Variants in NLGN1 observed in about 807,000 individuals in gnomAD.
NLGN1 encodes the protein neuroligin-1.
Under a neutral mutation model 65.5 loss-of-function variants are expected in NLGN1, and 12 were observed. The ratio of observed to expected loss-of-function variants is 0.18; its 90% CI spans 0.12 to 0.30. NLGN1 has a LOEUF of 0.30. Ranked by LOEUF, NLGN1 falls within the 10% of genes least tolerant of loss-of-function variation. The probability of loss-of-function intolerance (pLI) is 1.00; values close to 1 mark genes in which losing one functional copy is unlikely to be tolerated. For missense variants in NLGN1, 750 were observed against 1,007.1 expected (o/e 0.74, Z 3.46); for synonymous variants, 350 against 359.5 (o/e 0.97, Z 0.30).
intron 3 of NLGN1, among the ~76,000 whole-genome samples, chr3:173,773,324 A>C (rs901515212): frequency 1.3e-5 from 2 of 152,116 alleles, no homozygotes; most frequent in African/African-American, 4.8e-5. Context: ...AATCCTCCCC[A>C]AAAAACATTT....
At chr3:173,748,815 T>G (rs1775907210) in intron 3 of NLGN1, among the ~76,000 whole-genome samples, 1 of 152,134 alleles carries the variant, frequency 6.6e-6, no homozygotes, top group Non-Finnish European at 1.5e-5. Context: ...TCAAGCCTAC[T>G]GTTTGAGTAA....
intron 3 of NLGN1, chr3:173,685,866 C>CA: frequency 1.1e-6 from 1 of 887,376 alleles, no homozygotes; most frequent in African/African-American, 1.8e-5. Flanking sequence ...TGTCCTCTTA[C>CA]AATTAAAATA....
intron 2 of NLGN1, among the ~76,000 whole-genome samples, chr3:173,452,426 T>TCCAC (rs943636917): frequency 6.6e-6 from 1 of 152,148 alleles, no homozygotes; most frequent in African/African-American, 2.4e-5. Flanking sequence ...GACCTCATGA[T>TCCAC]CCACCCGCCT....
chr3:173,415,806 GTTAT>G (rs541812956), intron 1 of NLGN1, among the ~76,000 whole-genome samples: 67 of 151,880 alleles, frequency 4.4e-4, no homozygotes, highest in African/African-American at 1.5e-3. Flanking sequence ...CTGCCATTAA[GTTAT>G]TTAGTCTCTC....
exon 3 of NLGN1, chr3:173,604,604 A>G: frequency 4.3e-6 from 7 of 1,613,250 alleles, no homozygotes; most frequent in Non-Finnish European, 5.9e-6. Flanking sequence ...GGACCATGGC[A>G]CTGCCCAGAT....
At chr3:173,753,607 T>A (rs1309511177) in intron 3 of NLGN1, among the ~76,000 whole-genome samples, 1 of 152,162 alleles carries the variant, frequency 6.6e-6, no homozygotes, top group African/African-American at 2.4e-5. Flanking sequence ...TCTATTCTTG[T>A]ACCTCTAGGG....
intron 2 of NLGN1, among the ~76,000 whole-genome samples, chr3:173,539,115 C>T (rs906442287): frequency 1.3e-5 from 2 of 152,018 alleles, no homozygotes; most frequent in Non-Finnish European, 2.9e-5. Context: ...TGCTGTCTTT[C>T]AAGGGTGTCC....
At chr3:174,076,368 G>C (rs1332813791) in intron 4 of NLGN1, among the ~76,000 whole-genome samples, 1 of 152,040 alleles carries the variant, frequency 6.6e-6, no homozygotes, top group Non-Finnish European at 1.5e-5. Context: ...CGTTTGAAGA[G>C]CATAGGGAAA....
At chr3:173,532,905 A>G (rs1334551842) in intron 2 of NLGN1, among the ~76,000 whole-genome samples, 1 of 152,172 alleles carries the variant, frequency 6.6e-6, no homozygotes, top group Non-Finnish European at 1.5e-5. Context: ...TGATGGAGCA[A>G]CCATATTCTA....
chr3:174,066,814 A>G (rs1174664372), intron 4 of NLGN1, among the ~76,000 whole-genome samples: 3 of 152,058 alleles, frequency 2.0e-5, no homozygotes, highest in Non-Finnish European at 4.4e-5. Flanking sequence ...ATTATGACCA[A>G]TACACAAAGG....
chr3:173,654,927 A>G (rs920356233), intron 3 of NLGN1, among the ~76,000 whole-genome samples: 1 of 152,200 alleles, frequency 6.6e-6, no homozygotes, highest in African/African-American at 2.4e-5. Context: ...TAGAGCCAGT[A>G]GTGTATACAG....
At chr3:174,277,912 GATA>G (rs1750881520) in intron 5 of NLGN1, among the ~76,000 whole-genome samples, 1 of 151,722 alleles carries the variant, frequency 6.6e-6, no homozygotes, top group Admixed American at 6.6e-5. Context: ...TGATAAAATT[GATA>G]ATAAATTTAA....
At chr3:173,778,517 T>G (rs145808214) in intron 3 of NLGN1, among the ~76,000 whole-genome samples, 18 of 151,960 alleles carry the variant, frequency 1.2e-4, no homozygotes, top group African/African-American at 4.1e-4. Context: ...TAAAAATATA[T>G]GAAGAATTTT....
intron 4 of NLGN1, among the ~76,000 whole-genome samples, chr3:174,140,022 T>C (rs1364167637): frequency 1.3e-5 from 2 of 152,198 alleles, no homozygotes; most frequent in Non-Finnish European, 2.9e-5. Flanking sequence ...CATTTGCAAA[T>C]ATTTCTCTCA....
chr3:173,471,857 A>G (rs1353905082), intron 2 of NLGN1, among the ~76,000 whole-genome samples: 2 of 152,162 alleles, frequency 1.3e-5, no homozygotes, highest in East Asian at 1.9e-4. Flanking sequence ...TGCACTAGAG[A>G]AATTCCTATC....
At chr3:173,601,349 A>G (rs1479562357) in intron 2 of NLGN1, among the ~76,000 whole-genome samples, 1 of 152,086 alleles carries the variant, frequency 6.6e-6, no homozygotes, top group African/African-American at 2.4e-5. Flanking sequence ...TTAGGTGTCA[A>G]TTAAATAATT....
chr3:174,059,132 C>G (rs1405990552), intron 4 of NLGN1, among the ~76,000 whole-genome samples: 1 of 152,102 alleles, frequency 6.6e-6, no homozygotes, highest in East Asian at 1.9e-4. Flanking sequence ...CATCTGTGCT[C>G]ACTACCAAAG....
At chr3:173,799,059 T>G (rs1342729535) in intron 3 of NLGN1, among the ~76,000 whole-genome samples, 1 of 152,052 alleles carries the variant, frequency 6.6e-6, no homozygotes, top group Non-Finnish European at 1.5e-5. Flanking sequence ...TTAGACTTAA[T>G]GCCTGCTTCT....
intron 2 of NLGN1, among the ~76,000 whole-genome samples, chr3:173,500,568 A>C (rs921189763): frequency 6.6e-6 from 1 of 152,160 alleles, no homozygotes; most frequent in African/African-American, 2.4e-5. Context: ...TGGCCTCATA[A>C]AATGAGTTAG....
Sources: gnomAD v4.1 joint callset for allele counts (sites outside exome capture counted in the v4.1 genomes callset) on GRCh38, gnomAD v4.1.1 for gene constraint, MANE v1.5 for transcripts, NCBI Gene and HGNC (gene_info 2026-07-23, HGNC 2026-07-21) for gene names.